Variants in MTA3 observed in about 807,000 individuals in gnomAD.
The protein encoded by MTA3 is metastasis-associated protein MTA3.
MTA3 carries 34 observed loss-of-function variants against 83.5 expected under a neutral mutation model. The observed-to-expected ratio is 0.41, with a 90% CI of 0.31 to 0.54. The LOEUF is 0.54. Among genes scored for constraint, MTA3 ranks in the 20% least tolerant of loss-of-function variants. MTA3 has a pLI of 0.33. For missense variants in MTA3, 761 were observed against 726.4 expected (o/e 1.05, Z -0.55); for synonymous variants, 303 against 252.7 (o/e 1.20, Z -1.89).
chr2:42,655,920 T>C (rs1252409016), intron 6 of MTA3, among the ~76,000 whole-genome samples: 1 of 152,220 alleles, frequency 6.6e-6, no homozygotes, highest in Non-Finnish European at 1.5e-5. Flanking sequence ...TTTTCATCTT[T>C]ATGTCTCTTA....
intron 2 of MTA3, among the ~76,000 whole-genome samples, chr2:42,550,676 A>G (rs893982687): frequency 1.3e-5 from 2 of 152,190 alleles, no homozygotes; most frequent in Non-Finnish European, 2.9e-5. Flanking sequence ...GTAAAGGGCT[A>G]TCCTTGAATA....
At chr2:42,627,877 C>G (rs1271506203) in intron 4 of MTA3, among the ~76,000 whole-genome samples, 1 of 151,256 alleles carries the variant, frequency 6.6e-6, no homozygotes, top group South Asian at 2.1e-4. Context: ...CATTCCCTGC[C>G]AGGTTCTTTT....
intron 11 of MTA3, among the ~76,000 whole-genome samples, chr2:42,700,834 C>T (rs909343458): frequency 1.1e-4 from 16 of 152,202 alleles, no homozygotes; most frequent in Non-Finnish European, 2.2e-4. Flanking sequence ...GGTGCAGTGG[C>T]TCATGCCTGT....
intron 4 of MTA3, among the ~76,000 whole-genome samples, chr2:42,624,310 A>ATTTTTAAT (rs1558514823): frequency 2.0e-5 from 3 of 151,664 alleles, no homozygotes; most frequent in African/African-American, 7.3e-5. Context: ...ATTAACTTTA[A>ATTTTTAAT]TTTTTAATTT....
chr2:42,634,079 G>A (rs1180431911), intron 4 of MTA3, among the ~76,000 whole-genome samples: 1 of 152,060 alleles, frequency 6.6e-6, no homozygotes, highest in African/African-American at 2.4e-5. Context: ...GGGTGCTACT[G>A]TCATCCACTG....
At chr2:42,616,428 T>TC in intron 4 of MTA3, among the ~76,000 whole-genome samples, 1 of 151,510 alleles carries the variant, frequency 6.6e-6, no homozygotes, top group East Asian at 1.9e-4. Context: ...TGTCTTTTTT[T>TC]TTTTTTTTAA....
At chr2:42,635,698 T>C (rs756511373) in intron 4 of MTA3, among the ~76,000 whole-genome samples, 1 of 152,170 alleles carries the variant, frequency 6.6e-6, no homozygotes, top group Non-Finnish European at 1.5e-5. Context: ...ATGTCTTTCT[T>C]TAATGAAGCA....
chr2:42,639,124 G>A (rs181977183), intron 4 of MTA3, among the ~76,000 whole-genome samples: 148 of 149,712 alleles, frequency 9.9e-4, no homozygotes, highest in Non-Finnish European at 1.7e-3. Context: ...GCAGTGGCAC[G>A]ATCTCGGCTC....
chr2:42,747,439 G>C (rs941781849), intron 16 of MTA3, among the ~76,000 whole-genome samples: 1 of 152,042 alleles, frequency 6.6e-6, no homozygotes, highest in Non-Finnish European at 1.5e-5. Context: ...CGGGGTGGGG[G>C]TGCAGAATAC....
rs566191541 is a variant in MTA3, at chr2:42,510,675, G to T, written c.-141+15421G>T. Among the ~76,000 whole-genome samples the T allele has an allele frequency of 4.6e-5, 7 of 152,302 alleles. No individual in the cohort carries two copies. In the South Asian group the frequency reaches 1.4e-3, roughly 32 times the overall value. ...TATGGGGAAAAAAATGTAGAGGGCT[G>T]TTGCCCTGGGGGTAGATTGACATCC... On this transcript the variant is annotated intron_variant, in intron 2 of 17. Coordinates refer to the MTA3 transcript ENST00000405592.
chr2:42,596,766 C>G (rs139240992), intron 3 of MTA3, among the ~76,000 whole-genome samples: 201 of 152,094 alleles, frequency 1.3e-3, no homozygotes, highest in Middle Eastern at 6.8e-3. Context: ...AATTTGTGGT[C>G]TGGAAGAATA....
chr2:42,548,298 C>G (rs1045081714), intron 2 of MTA3, among the ~76,000 whole-genome samples: 5 of 151,924 alleles, frequency 3.3e-5, no homozygotes, highest in Non-Finnish European at 5.9e-5. Flanking sequence ...AACCCTGTCT[C>G]TACAAAAAAT....
intron 3 of MTA3, among the ~76,000 whole-genome samples, chr2:42,587,460 G>C (rs1159659573): frequency 6.6e-6 from 1 of 152,128 alleles, no homozygotes; most frequent in East Asian, 1.9e-4. Flanking sequence ...CTTTTCCAGT[G>C]AGAATTCTTG....
chr2:42,605,284 C>T (rs1573209145), intron 3 of MTA3, among the ~76,000 whole-genome samples: 2 of 72,006 alleles, frequency 2.8e-5, no homozygotes, highest in African/African-American at 5.9e-5. Flanking sequence ...CACCTCCCTC[C>T]CGGACGGGGC....
chr2:42,574,134 CTT>C (rs763023060), intron 2 of MTA3, among the ~76,000 whole-genome samples: 5 of 137,972 alleles, frequency 3.6e-5, no homozygotes, highest in Admixed American at 7.3e-5. Context: ...CCGCGCCCGG[CTT>C]TTTTTTTTTT....
chr2:42,734,771 G>T (rs1346967428), intron 16 of MTA3, among the ~76,000 whole-genome samples: 1 of 151,920 alleles, frequency 6.6e-6, no homozygotes, highest in Non-Finnish European at 1.5e-5. Context: ...CTTATAACCT[G>T]TTATTTTAAA....
intron 15 of MTA3, among the ~76,000 whole-genome samples, chr2:42,721,968 A>G (rs889851088): frequency 6.6e-6 from 1 of 152,216 alleles, no homozygotes; most frequent in African/African-American, 2.4e-5. Context: ...GACTTTGACC[A>G]GAGCTGTAGT....
At chr2:42,624,252 ATAT>A (rs1475152327) in intron 4 of MTA3, among the ~76,000 whole-genome samples, 2 of 151,986 alleles carry the variant, frequency 1.3e-5, no homozygotes, top group Non-Finnish European at 1.5e-5. Flanking sequence ...ATAATTTTTA[ATAT>A]TATTTTTGGA....
At chr2:42,741,361 T>G (rs1213969325) in intron 16 of MTA3, among the ~76,000 whole-genome samples, 1 of 152,214 alleles carries the variant, frequency 6.6e-6, no homozygotes, top group African/African-American at 2.4e-5. Flanking sequence ...GGAGTGGCAC[T>G]CTTAATTTCC....
Sources: allele counts gnomAD v4.1 joint callset (sites outside exome capture counted in the v4.1 genomes callset), GRCh38; gene constraint gnomAD v4.1.1; transcripts MANE v1.5; gene names NCBI Gene and HGNC (gene_info 2026-07-23, HGNC 2026-07-21).